The following MCTP1 variants were observed in gnomAD, a reference collection of about 807,000 sequenced individuals.
The protein encoded by MCTP1 is multiple C2 and transmembrane domain-containing protein 1.
Under a neutral mutation model 120.6 loss-of-function variants are expected in MCTP1, and 69 were observed. That is an observed-to-expected ratio of 0.57 (90% CI 0.47 to 0.70). The LOEUF (loss-of-function observed/expected upper bound fraction) is 0.70, where lower values mean the gene tolerates loss of function less well. Among genes scored for constraint, MCTP1 ranks in the 30% least tolerant of loss-of-function variants. The pLI is 0.00. For missense variants in MCTP1, 1,203 were observed against 1,248.8 expected (o/e 0.96, Z 0.55); for synonymous variants, 529 against 493.1 (o/e 1.07, Z -0.96).
chr5:94,819,556 AG>A (rs1287702709), intron 17 of MCTP1, among the ~76,000 whole-genome samples: 1 of 152,190 alleles, frequency 6.6e-6, no homozygotes, highest in Non-Finnish European at 1.5e-5. Flanking sequence ...CATCTGTTTA[AG>A]GGTGGTTTCC....
intron 20 of MCTP1, among the ~76,000 whole-genome samples, chr5:94,712,404 A>G (rs1399235750): frequency 7.4e-6 from 1 of 134,440 alleles, no homozygotes; most frequent in Admixed American, 8.3e-5. Flanking sequence ...TGTATATTGT[A>G]CTTACTTGAG....
rs188070204 is a variant in MCTP1, at chr5:94,743,904, G to T, written c.2611-29018C>A. Among the ~76,000 whole-genome samples, 858 of 152,146 alleles carry T rather than the reference G, an allele frequency of 5.6e-3. 5 individuals are homozygous for T. The highest frequency in any genetic ancestry group is 8.2e-3 in the Non-Finnish European group (560 of 67,986). ...TCTGTCCACCTCGGTCTCCCAAAGT[G>T]CTAGGATTACAGGTGTGAGCCACTG... On this transcript the variant is annotated intron_variant, in intron 19 of 22. Coordinates refer to ENST00000515393, the MANE Select transcript of MCTP1 (RefSeq NM_024717.7).
intron 1 of MCTP1, among the ~76,000 whole-genome samples, chr5:95,116,511 T>C (rs1757836244): frequency 1.3e-5 from 2 of 152,132 alleles, no homozygotes; most frequent in African/African-American, 4.8e-5. Context: ...GTCTTGGCTA[T>C]TCAAGCTCTT....
At chr5:94,806,336 T>C (rs1485088059) in intron 17 of MCTP1, among the ~76,000 whole-genome samples, 1 of 152,188 alleles carries the variant, frequency 6.6e-6, no homozygotes, top group Non-Finnish European at 1.5e-5. Context: ...AAAAATCTGT[T>C]CTGCTGAGAA....
chr5:94,779,244 A>T, intron 18 of MCTP1, 81 bp from the exon 19 acceptor site: 1 of 1,166,918 alleles, frequency 8.6e-7, no homozygotes, highest in Non-Finnish European at 1.3e-6. Context: ...TTTGGAAATG[A>T]AAACTTTATT....
rs190503442 is a variant in MCTP1, at chr5:95,224,032, T to A, written c.720+59824A>T. Among the ~76,000 whole-genome samples the A allele has an allele frequency of 3.3e-3, 507 of 152,282 alleles. 1 individual carries two copies. Among genetic ancestry groups the A allele is most frequent in the African/African-American group, 0.012 (495 of 41,546 alleles). On this transcript the variant is annotated intron_variant, in intron 1 of 22. Coordinates refer to ENST00000515393, the MANE Select transcript of MCTP1 (RefSeq NM_024717.7). ...TGTACTTAAATAACAGGAAACCCCA[T>A]GCCAACTTTGGGAAATACAGTACAA... is the stretch of plus-strand genomic sequence containing the variant.
At chr5:95,250,158 A>T (rs924175920) in intron 1 of MCTP1, among the ~76,000 whole-genome samples, 3 of 110,284 alleles carry the variant, frequency 2.7e-5, no homozygotes, top group Middle Eastern at 4.8e-3. Context: ...AAAGTATAAT[A>T]AAAAAATAAT....
intron 19 of MCTP1, among the ~76,000 whole-genome samples, chr5:94,749,058 A>G (rs1210361394): frequency 1.3e-5 from 2 of 152,180 alleles, no homozygotes; most frequent in Admixed American, 1.3e-4. Flanking sequence ...GATGATCTGA[A>G]GTTATGTTTT....
At chr5:94,850,637 T>C (rs965998150) in intron 17 of MCTP1, among the ~76,000 whole-genome samples, 2 of 152,148 alleles carry the variant, frequency 1.3e-5, no homozygotes, top group South Asian at 4.1e-4. Flanking sequence ...AAAACTACAA[T>C]CTAGTTTCAG....
intron 17 of MCTP1, among the ~76,000 whole-genome samples, chr5:94,826,891 T>C (rs1787249071): frequency 6.9e-6 from 1 of 144,378 alleles, no homozygotes; most frequent in Non-Finnish European, 1.5e-5. Flanking sequence ...GTCTCCTAAA[T>C]ACAGCACACT....
chr5:94,780,307 T>A (rs78576414), intron 18 of MCTP1, among the ~76,000 whole-genome samples: 3,153 of 152,100 alleles, frequency 0.021, 116 homozygotes, highest in African/African-American at 0.072. Flanking sequence ...TCTATTGGTG[T>A]ACACTTTAAT....
At chr5:95,204,144 C>G (rs925250848) in intron 1 of MCTP1, among the ~76,000 whole-genome samples, 1 of 152,004 alleles carries the variant, frequency 6.6e-6, no homozygotes, top group African/African-American at 2.4e-5. Context: ...ATTGAGAAAG[C>G]CTTTTAAAAA....
intron 2 of MCTP1, among the ~76,000 whole-genome samples, chr5:94,993,603 T>C (rs755407104): frequency 2.6e-5 from 4 of 152,180 alleles, no homozygotes; most frequent in Non-Finnish European, 4.4e-5. Flanking sequence ...CAACAGCTTT[T>C]ACAGAAACTC....
chr5:95,052,179 G>A (rs1018910609), intron 1 of MCTP1, among the ~76,000 whole-genome samples: 1 of 152,182 alleles, frequency 6.6e-6, no homozygotes, highest in Non-Finnish European at 1.5e-5. Context: ...AGGAAGTTTT[G>A]AAATAGGATT....
intron 1 of MCTP1, among the ~76,000 whole-genome samples, chr5:95,183,980 G>A (rs542066384): frequency 2.0e-5 from 3 of 152,110 alleles, no homozygotes; most frequent in African/African-American, 4.8e-5. Context: ...ACGCAGGGAG[G>A]GGAACATCAC....
chr5:94,871,082 C>T, intron 14 of MCTP1, 109 bp from the exon 15 acceptor site: 1 of 890,166 alleles, frequency 1.1e-6, no homozygotes, highest in Non-Finnish European at 1.8e-6. Context: ...CCCAAAACAA[C>T]TGTGGCAATT....
At chr5:94,754,438 G>A (rs972131639) in intron 19 of MCTP1, among the ~76,000 whole-genome samples, 5 of 152,174 alleles carry the variant, frequency 3.3e-5, no homozygotes, top group South Asian at 2.1e-4. Context: ...CAATAACCAC[G>A]TTATTTTTAA....
At chr5:94,966,105 A>G (rs1424798960) in intron 2 of MCTP1, among the ~76,000 whole-genome samples, 2 of 152,152 alleles carry the variant, frequency 1.3e-5, no homozygotes, top group African/African-American at 4.8e-5. Context: ...ATATATTATT[A>G]ATATCAATCT....
intron 5 of MCTP1, 72 bp from the exon 6 acceptor site, chr5:94,932,063 G>C: frequency 9.3e-7 from 1 of 1,070,992 alleles, no homozygotes; most frequent in Non-Finnish European, 1.4e-6. Flanking sequence ...TTGTTTTTTA[G>C]CGGAAACATT....
Sources: gnomAD v4.1 joint callset for allele counts (sites outside exome capture counted in the v4.1 genomes callset) on GRCh38, gnomAD v4.1.1 for gene constraint, MANE v1.5 for transcripts, NCBI Gene and HGNC (gene_info 2026-07-23, HGNC 2026-07-21) for gene names.